The following GRM8 variants were observed in gnomAD, a reference collection of about 807,000 sequenced individuals.
GRM8 encodes glutamate metabotropic receptor 8.
In GRM8, 47 loss-of-function variants were observed where a neutral mutation model predicts 87.2. That is an observed-to-expected ratio of 0.54 (90% CI 0.43 to 0.69). The LOEUF (loss-of-function observed/expected upper bound fraction) is 0.69, where lower values mean the gene tolerates loss of function less well. GRM8 is among the 30% of genes least tolerant of loss of function. GRM8 has a pLI of 0.00. For synonymous variants in GRM8, 396 were observed against 404.5 expected, an observed-to-expected ratio of 0.98 and a Z score of 0.25; for missense variants, 1,019 against 1,139.2, an observed-to-expected ratio of 0.89 and a Z score of 1.52.
At chr7:126,899,035 G>A in intron 6 of GRM8, among the ~76,000 whole-genome samples, 1 of 149,520 alleles carries the variant, frequency 6.7e-6, no homozygotes, top group Non-Finnish European at 1.5e-5. Context: ...AAAAAAGAAA[G>A]AAAATATGAG....
chr7:126,823,415 G>A (rs1177363526), intron 6 of GRM8, among the ~76,000 whole-genome samples: 1 of 152,224 alleles, frequency 6.6e-6, no homozygotes, highest in Admixed American at 6.5e-5. Context: ...ATACAGAAGT[G>A]AGGCAGAGTA....
intron 2 of GRM8, among the ~76,000 whole-genome samples, chr7:127,139,485 G>A (rs1828138717): frequency 6.6e-6 from 1 of 152,080 alleles, no homozygotes; most frequent in Non-Finnish European, 1.5e-5. Flanking sequence ...TCAAGTCTAA[G>A]TAGATCTATT....
intron 3 of GRM8, among the ~76,000 whole-genome samples, chr7:126,905,862 G>C (rs1802620517): frequency 6.6e-6 from 1 of 152,110 alleles, no homozygotes; most frequent in African/African-American, 2.4e-5. Flanking sequence ...TATCCACATG[G>C]GGACAAAAGT....
Position 126,537,930 on chromosome 7 carries a change from G to A in GRM8, c.1495-4043C>T, listed in dbSNP as rs561470443. ...CCATCTTTCATTATAAGTATAAAGA[G>A]ATGCCTTAACCATATATTTTTAAAA... is the stretch of plus-strand genomic sequence containing the variant. On this transcript the variant is annotated intron_variant, in intron 8 of 10. Transcript: ENST00000339582. 7.2e-5 allele frequency among the ~76,000 whole-genome samples: 11 copies of A among 152,228 alleles called. No homozygotes were observed. In the East Asian group the frequency reaches 1.9e-3, roughly 27 times the overall value.
chr7:126,912,198 A>AAAACAAAC (rs55857352), intron 3 of GRM8, among the ~76,000 whole-genome samples: 60 of 150,706 alleles, frequency 4.0e-4, no homozygotes, highest in African/African-American at 1.4e-3. Flanking sequence ...CTCTGTCTCA[A>AAAACAAAC]AAACAAACAA....
chr7:127,047,903 A>G (rs1020927589), intron 3 of GRM8, among the ~76,000 whole-genome samples: 1 of 152,234 alleles, frequency 6.6e-6, no homozygotes, highest in Non-Finnish European at 1.5e-5. Flanking sequence ...AAAACTGTCC[A>G]ACATTTTTTT....
chr7:126,596,379 G>A (rs913518245), intron 8 of GRM8, among the ~76,000 whole-genome samples: 4 of 152,040 alleles, frequency 2.6e-5, no homozygotes, highest in African/African-American at 9.7e-5. Flanking sequence ...ATCTGATTGT[G>A]GTTTTGATCT....
intron 8 of GRM8, among the ~76,000 whole-genome samples, chr7:126,575,148 G>A (rs1339158571): frequency 6.6e-6 from 1 of 151,968 alleles, no homozygotes; most frequent in East Asian, 1.9e-4. Flanking sequence ...AGCAGGAGGT[G>A]AGCAGCACAA....
chr7:127,159,256 G>A (rs975861640), intron 2 of GRM8, among the ~76,000 whole-genome samples: 1 of 152,122 alleles, frequency 6.6e-6, no homozygotes, highest in Admixed American at 6.6e-5. Context: ...TTTAAATTAA[G>A]CATTTTAGTC....
intron 3 of GRM8, among the ~76,000 whole-genome samples, chr7:127,078,169 T>A (rs891391660): frequency 7.2e-5 from 11 of 152,220 alleles, no homozygotes; most frequent in African/African-American, 2.7e-4. Context: ...GGCAATAGTT[T>A]AAAATAGCAT....
intron 9 of GRM8, among the ~76,000 whole-genome samples, chr7:126,471,382 G>A (rs1027284899): frequency 6.6e-6 from 1 of 152,052 alleles, no homozygotes; most frequent in African/African-American, 2.4e-5. Context: ...GTGTAAGGAA[G>A]GGATCCAGTT....
intron 9 of GRM8, among the ~76,000 whole-genome samples, chr7:126,507,819 C>T (rs1351791930): frequency 2.2e-4 from 34 of 151,972 alleles, no homozygotes; most frequent in Non-Finnish European, 4.3e-4. Context: ...CCCCCTAACA[C>T]CTCATCTTCA....
intron 3 of GRM8, among the ~76,000 whole-genome samples, chr7:126,925,772 T>A (rs564266348): frequency 6.6e-6 from 1 of 152,318 alleles, no homozygotes; most frequent in Non-Finnish European, 1.5e-5. Flanking sequence ...ATAGTCCTCA[T>A]AGGAATCATT....
chr7:126,759,034 A>C (rs756011634), intron 7 of GRM8, among the ~76,000 whole-genome samples: 1 of 151,950 alleles, frequency 6.6e-6, no homozygotes, highest in African/African-American at 2.4e-5. Context: ...AGCAGCTGGG[A>C]TTACAGGTGC....
At chr7:126,917,680 T>A (rs1010472765) in intron 3 of GRM8, among the ~76,000 whole-genome samples, 15 of 152,216 alleles carry the variant, frequency 9.9e-5, no homozygotes, top group African/African-American at 3.4e-4. Context: ...ATAATTACTG[T>A]ACTTTGCTAT....
chr7:127,159,516 G>T (rs1792957458), intron 2 of GRM8, among the ~76,000 whole-genome samples: 1 of 151,946 alleles, frequency 6.6e-6, no homozygotes, highest in Admixed American at 6.6e-5. Flanking sequence ...CAACACAGTT[G>T]TCAAGCATGC....
intron 3 of GRM8, among the ~76,000 whole-genome samples, chr7:127,022,441 C>A (rs896760691): frequency 6.6e-6 from 1 of 151,900 alleles, no homozygotes; most frequent in African/African-American, 2.4e-5. Context: ...TATAATAATT[C>A]TTTACCCTAC....
chr7:126,505,999 C>T (rs575113900), intron 9 of GRM8, among the ~76,000 whole-genome samples: 1 of 152,090 alleles, frequency 6.6e-6, no homozygotes, highest in South Asian at 2.1e-4. Flanking sequence ...CATTCCTCTC[C>T]TCCTCCTAGC....
chr7:126,986,379 C>A (rs1812071718), intron 3 of GRM8, among the ~76,000 whole-genome samples: 1 of 151,994 alleles, frequency 6.6e-6, no homozygotes, highest in Admixed American at 6.6e-5. Context: ...TCTTTTTATC[C>A]TTATGTCATA....
Sources: allele counts gnomAD v4.1 joint callset (sites outside exome capture counted in the v4.1 genomes callset), GRCh38; gene constraint gnomAD v4.1.1; transcripts MANE v1.5; gene names NCBI Gene and HGNC (gene_info 2026-07-23, HGNC 2026-07-21).